The following RAB10 variants were observed in gnomAD, a reference collection of about 807,000 sequenced individuals.
The protein encoded by RAB10 is RAB10, member RAS oncogene family.
In RAB10, 5 loss-of-function variants were observed where a neutral mutation model predicts 25.7. The observed-to-expected ratio is 0.19, with a 90% CI of 0.10 to 0.41. The LOEUF is 0.41. Among genes scored for constraint, RAB10 ranks in the 10% least tolerant of loss-of-function variants. The pLI is 1.00. For missense variants in RAB10, 103 were observed against 245.8 expected, an observed-to-expected ratio of 0.42 and a Z score of 3.89; for synonymous variants, 89 against 86.4, an observed-to-expected ratio of 1.03 and a Z score of -0.16.
chr2:26,097,557 C>T (rs572953517), intron 1 of RAB10, among the ~76,000 whole-genome samples: 7 of 152,276 alleles, frequency 4.6e-5, no homozygotes, highest in African/African-American at 1.4e-4. Context: ...GGATTACAGG[C>T]GTGAGCCACC....
At chr2:26,109,493 C>CT (rs1249515848) in intron 2 of RAB10, among the ~76,000 whole-genome samples, 1 of 152,084 alleles carries the variant, frequency 6.6e-6, no homozygotes, top group Admixed American at 6.6e-5. Flanking sequence ...ATCCTACCTG[C>CT]TTTTGTGTTA....
At chr2:26,064,438 C>A (rs1364869329) in intron 1 of RAB10, among the ~76,000 whole-genome samples, 4 of 152,128 alleles carry the variant, frequency 2.6e-5, no homozygotes, top group African/African-American at 9.7e-5. Context: ...CCTCCCACCT[C>A]AGCCTCCTGA....
chr2:26,070,321 G>C (rs1214949859), intron 1 of RAB10, among the ~76,000 whole-genome samples: 3 of 152,208 alleles, frequency 2.0e-5, no homozygotes, highest in Non-Finnish European at 4.4e-5. Context: ...AAATCAAGTA[G>C]TTGTGTGATT....
At chr2:26,055,319 C>A (rs1208186329) in intron 1 of RAB10, among the ~76,000 whole-genome samples, 1 of 151,740 alleles carries the variant, frequency 6.6e-6, no homozygotes, top group Non-Finnish European at 1.5e-5. Context: ...AGGCTTTATG[C>A]CTTTTAAGTC....
intron 1 of RAB10, among the ~76,000 whole-genome samples, chr2:26,041,322 C>T (rs1665879204): frequency 1.3e-5 from 2 of 151,834 alleles, no homozygotes; most frequent in African/African-American, 2.4e-5. Flanking sequence ...AGGTGGATCA[C>T]CAGAGGTCAG....
intron 3 of RAB10, among the ~76,000 whole-genome samples, 180 bp downstream of exon 3, chr2:26,110,086 C>T (rs1434070297): frequency 6.6e-6 from 1 of 152,022 alleles, no homozygotes; most frequent in Non-Finnish European, 1.5e-5. Context: ...CCTGTAATCC[C>T]AGCACTTTGG....
chr2:26,119,145 AC>A (rs1667753157), intron 3 of RAB10, among the ~76,000 whole-genome samples: 1 of 152,170 alleles, frequency 6.6e-6, no homozygotes, highest in Non-Finnish European at 1.5e-5. Flanking sequence ...GGTGGCTCAC[AC>A]CTGTAATCCC....
chr2:26,113,981 CA>C, intron 3 of RAB10, among the ~76,000 whole-genome samples: 1 of 152,170 alleles, frequency 6.6e-6, no homozygotes, highest in South Asian at 2.1e-4. Flanking sequence ...AATAAATTTC[CA>C]TTTGTAATAA....
At chr2:26,111,073 G>A (rs1465891794) in intron 3 of RAB10, among the ~76,000 whole-genome samples, 2 of 152,088 alleles carry the variant, frequency 1.3e-5, no homozygotes, top group Non-Finnish European at 2.9e-5. Flanking sequence ...CAGCATAGGT[G>A]GCTTCTTGTT....
At chr2:26,133,843 T>A (rs1305894349) in intron 5 of RAB10, among the ~76,000 whole-genome samples, 1 of 151,884 alleles carries the variant, frequency 6.6e-6, no homozygotes, top group Non-Finnish European at 1.5e-5. Flanking sequence ...CCAGCTAGTT[T>A]TAGTAATTTT....
upstream of RAB10, among the ~76,000 whole-genome samples, chr2:26,033,492 A>G (rs1405843462): frequency 1.3e-5 from 2 of 152,206 alleles, no homozygotes; most frequent in Non-Finnish European, 2.9e-5. Flanking sequence ...ATCCGGATGG[A>G]GCGCTCATGT....
intron 1 of RAB10, among the ~76,000 whole-genome samples, chr2:26,078,765 A>G (rs1041603323): frequency 1.1e-4 from 16 of 152,222 alleles, no homozygotes; most frequent in African/African-American, 3.9e-4. Context: ...GCCAGAGTAA[A>G]AAAAGAACAT....
At chr2:26,088,859 G>A (rs764657981) in intron 1 of RAB10, among the ~76,000 whole-genome samples, 12 of 151,886 alleles carry the variant, frequency 7.9e-5, no homozygotes, top group Middle Eastern at 3.4e-3. Context: ...TCCTGACCTC[G>A]TGATCCGCCC....
chr2:26,043,492 G>A (rs1043911373), intron 1 of RAB10, among the ~76,000 whole-genome samples: 4 of 152,290 alleles, frequency 2.6e-5, no homozygotes, highest in East Asian at 1.9e-4. Context: ...CATTATGCAC[G>A]ATAGCTGAAA....
intron 3 of RAB10, among the ~76,000 whole-genome samples, chr2:26,117,743 C>G (rs1290271645): frequency 1.3e-5 from 2 of 151,950 alleles, no homozygotes; most frequent in African/African-American, 4.8e-5. Context: ...AAACTGAGAC[C>G]TGAGGAGATG....
At chr2:26,076,953 A>G (rs1175943354) in intron 1 of RAB10, among the ~76,000 whole-genome samples, 1 of 151,906 alleles carries the variant, frequency 6.6e-6, no homozygotes, top group Non-Finnish European at 1.5e-5. Flanking sequence ...AAGAGAAAAA[A>G]AAAAAAACAG....
intron 1 of RAB10, among the ~76,000 whole-genome samples, chr2:26,054,436 T>A (rs1346544748): frequency 2.0e-5 from 3 of 152,156 alleles, no homozygotes; most frequent in African/African-American, 7.2e-5. Flanking sequence ...GTGATCCACC[T>A]GCCTTGGCCT....
chr2:26,037,458 G>C (rs1665787056), intron 1 of RAB10, among the ~76,000 whole-genome samples: 1 of 152,026 alleles, frequency 6.6e-6, no homozygotes, highest in Non-Finnish European at 1.5e-5. Flanking sequence ...GATCAACATG[G>C]AGAAACCCTG....
chr2:26,065,003 A>G (rs1666483715), intron 1 of RAB10, among the ~76,000 whole-genome samples: 1 of 152,202 alleles, frequency 6.6e-6, no homozygotes, highest in Non-Finnish European at 1.5e-5. Context: ...GGCTGCAGTG[A>G]GCTCTGATCG....
Sources: gnomAD v4.1 joint callset for allele counts (sites outside exome capture counted in the v4.1 genomes callset) on GRCh38, gnomAD v4.1.1 for gene constraint, MANE v1.5 for transcripts, NCBI Gene and HGNC (gene_info 2026-07-23, HGNC 2026-07-21) for gene names.